The following C16orf89 variants were observed in gnomAD, a reference collection of about 807,000 sequenced individuals.
The protein encoded by C16orf89 is chromosome 16 open reading frame 89, also known as UPF0764 protein C16orf89.
C16orf89 carries 57 observed loss-of-function variants against 41.5 expected under a neutral mutation model. The ratio of observed to expected loss-of-function variants is 1.38; its 90% CI spans 1.11 to 1.71. C16orf89 has a LOEUF of 1.71. Ranked by LOEUF, C16orf89 falls within the 40% of genes most tolerant of loss-of-function variation. The pLI is 0.00. For synonymous variants in C16orf89, 223 were observed against 190.6 expected (o/e 1.17, Z -1.40); for missense variants, 575 against 445.9 (o/e 1.29, Z -2.61).
intron 1 of C16orf89, among the ~76,000 whole-genome samples, chr16:5,064,684 G>A (rs911882847): frequency 6.6e-6 from 1 of 152,186 alleles, no homozygotes; most frequent in Non-Finnish European, 1.5e-5. Flanking sequence ...TGAATTCCTA[G>A]GGAATCTGTT....
chr16:5,061,258 T>C (rs1330381253), intron 2 of C16orf89, among the ~76,000 whole-genome samples: 4 of 83,630 alleles, frequency 4.8e-5, no homozygotes, highest in African/African-American at 9.7e-5. Context: ...CAAGACTCCA[T>C]CTCAAGAAAA....
At chr16:5,058,674 C>T in intron 3 of C16orf89, 64 bp from the exon 4 acceptor site, 4 of 1,359,518 alleles carry the variant, frequency 2.9e-6, no homozygotes, top group Non-Finnish European at 4.1e-6. Flanking sequence ...GTCTTCCCAG[C>T]CCCCTAGTTG....
At chr16:5,058,456 C>CA in intron 4 of C16orf89, 37 bp downstream of exon 4, 1 of 1,537,508 alleles carries the variant, frequency 6.5e-7, no homozygotes, top group African/African-American at 1.4e-5. Flanking sequence ...TTTCCTTCCC[C>CA]TTCCCCTGGC....
intron 5 of C16orf89, chr16:5,055,605 G>A (rs1956481671): frequency 2.9e-6 from 4 of 1,383,938 alleles, no homozygotes; most frequent in Non-Finnish European, 3.9e-6. Flanking sequence ...GAGGAGTTTG[G>A]ACACCCCAGC....
chr16:5,060,143 C>T (rs1956585980), intron 3 of C16orf89, 143 bp downstream of exon 3: 1 of 1,023,926 alleles, frequency 9.8e-7, no homozygotes, highest in Non-Finnish European at 1.4e-6. Context: ...GAGGGCAGTA[C>T]CCGGCAGCTA....
In C16orf89 at chr16:5,049,729, A is replaced by G. The variant is rs547516155; in HGVS notation, c.869-1765T>C. Among the ~76,000 whole-genome samples the G allele has an allele frequency of 8.5e-5, 13 of 152,328 alleles. No individual in the cohort carries two copies. In the South Asian group the frequency reaches 2.7e-3, roughly 32 times the overall value. On this transcript the variant is annotated intron_variant, in intron 6 of 7. Transcript: ENST00000472572. ...AGTATTAAGAGGGAAATTTACATCA[A>G]TAAATACCTACATCAAAAAAGCAGA...
chr16:5,060,245 G>A (rs1282547695), intron 3 of C16orf89, 41 bp downstream of exon 3: 3 of 1,569,440 alleles, frequency 1.9e-6, no homozygotes, highest in African/African-American at 1.3e-5. Context: ...GAGAACTAGT[G>A]CGTTTGGGTT....
intron 2 of C16orf89, among the ~76,000 whole-genome samples, chr16:5,061,640 G>T (rs933474353): frequency 6.6e-6 from 1 of 152,070 alleles, no homozygotes; most frequent in Non-Finnish European, 1.5e-5. Flanking sequence ...GATGACATAG[G>T]TGGGGACAGT....
intron 2 of C16orf89, 58 bp from the exon 3 acceptor site, chr16:5,060,494 C>A: frequency 6.6e-7 from 1 of 1,519,586 alleles, no homozygotes; most frequent in Non-Finnish European, 9.0e-7. Context: ...GAGCAGTGGG[C>A]CACCCTGGTG....
chr16:5,060,258 C>T (rs1404619563), intron 3 of C16orf89, 28 bp downstream of exon 3: 4 of 1,580,428 alleles, frequency 2.5e-6, no homozygotes, highest in African/African-American at 1.3e-5. Context: ...TTTGGGTTTC[C>T]AGCAAATAGG....
At position 5,044,321 on chromosome 16, in the gene C16orf89, C is replaced by T. The variant is rs1956253695; in HGVS notation, c.*27G>A. On this transcript the variant is annotated 3_prime_UTR_variant, in exon 8 of 8. Coordinates refer to ENST00000472572, the MANE Select transcript of C16orf89 (RefSeq NM_001098514.3). ...GGACTAAAGGGGTCTGTTCCTCCTC[C>T]AGGCAGCTGGCATGGAACCGTCCGT... The T allele has an allele frequency of 1.9e-6, 3 of 1,575,432 alleles. No homozygotes were observed. The highest frequency in any genetic ancestry group is 2.6e-6 in the Non-Finnish European group (3 of 1,162,424).
intron 1 of C16orf89, among the ~76,000 whole-genome samples, chr16:5,063,914 TCCAGGAGTTCAAGA>T (rs1249395438): frequency 6.6e-6 from 1 of 152,078 alleles, no homozygotes; most frequent in African/African-American, 2.4e-5. Flanking sequence ...ATTACTTAAG[TCCAGGAGTTCAAGA>T]CCAGCATGGC....
chr16:5,049,289 A>G (rs1480958538), intron 6 of C16orf89, among the ~76,000 whole-genome samples: 1 of 152,252 alleles, frequency 6.6e-6, no homozygotes, highest in Non-Finnish European at 1.5e-5. Context: ...AGCATTGGAC[A>G]GATCATCTAG....
chr16:5,056,233 T>G, intron 4 of C16orf89, 45 bp from the exon 5 acceptor site: 1 of 1,541,210 alleles, frequency 6.5e-7, no homozygotes, highest in Non-Finnish European at 8.9e-7. Flanking sequence ...GTGGTACAGA[T>G]GACAGACACA....
Position 5,065,730 on chromosome 16 carries a change from T to A in C16orf89, c.179A>T (p.Asp60Val). 1 of 1,613,976 alleles carries A rather than the reference T, an allele frequency of 6.2e-7. No individual in the cohort carries two copies. Among genetic ancestry groups the A allele is most frequent in the Non-Finnish European group, 8.5e-7 (1 of 1,179,854 alleles). The change falls in exon 1 of 8, where the codon GAT becomes GTT. Residue 60 changes from aspartate to valine, a missense_variant. Coordinates refer to ENST00000472572, the MANE Select transcript of C16orf89 (RefSeq NM_001098514.3). Reference protein sequence around the residue: ...LEQRLPEINLDGMVGVRVLEE... With the variant: ...LEQRLPEINLVGMVGVRVLEE... ...CAGCACTCGGACCCCCACCATGCCA[T>A]CCAGGTTGATTTCAGGCAGCCTCTG... is the stretch of plus-strand genomic sequence containing the variant.
chr16:5,056,646 C>T (rs575835289), intron 4 of C16orf89, among the ~76,000 whole-genome samples: 60 of 152,216 alleles, frequency 3.9e-4, no homozygotes, highest in Non-Finnish European at 6.2e-4. Context: ...GGCCAAGAAC[C>T]GGGCTGGTGA....
chr16:5,060,075 G>C (rs990926001), intron 3 of C16orf89: 6 of 484,352 alleles, frequency 1.2e-5, no homozygotes, highest in Non-Finnish European at 2.1e-5. Flanking sequence ...TGGAAGGCCT[G>C]CTGTGGCATG....
Position 5,060,413 on chromosome 16 carries a change from CG to C in C16orf89, c.381del (p.Trp130GlyfsTer58). On this transcript the variant is annotated frameshift_variant, in exon 3 of 8. Transcript: ENST00000472572. LOFTEE classifies it high-confidence loss of function. ...YLREFQLTLQ[P>X]GFWKLPHAWI... ...CAGGCATGTGGGAGCTTCCAAAACC[CG>C]GGCTGGAGGGTCAGCTGGAACTCTG... 1 of 1,612,994 alleles carries C rather than the reference CG, an allele frequency of 6.2e-7. No homozygotes were observed. Among genetic ancestry groups the C allele is most frequent in the Non-Finnish European group, 8.5e-7 (1 of 1,179,602 alleles).
At position 5,044,184 on chromosome 16, in the gene C16orf89, C is replaced by A; in HGVS notation, c.*164G>T. ...GGGTCCCTCCCGGCCCCCACCTACCCTGGCCTTGCCTACTCAGGGCTTCCA... is the reference window on the plus strand; with the variant it reads ...GGGTCCCTCCCGGCCCCCACCTACCATGGCCTTGCCTACTCAGGGCTTCCA... On this transcript the variant is annotated 3_prime_UTR_variant, in exon 8 of 8. Transcript: ENST00000472572. The A allele has an allele frequency of 7.2e-7, 1 of 1,388,930 alleles. No homozygotes were observed. The highest frequency in any genetic ancestry group is 9.3e-7 in the Non-Finnish European group (1 of 1,076,114). The allele number at this position is 1,388,930 out of a possible 1,614,324, so 86.0% of individuals were successfully genotyped here.
Sources: gnomAD v4.1 joint callset for allele counts (sites outside exome capture counted in the v4.1 genomes callset) on GRCh38, gnomAD v4.1.1 for gene constraint, MANE v1.5 for transcripts, NCBI Gene and HGNC (gene_info 2026-07-23, HGNC 2026-07-21) for gene names.